SDK1: variants seen among roughly 807,000 people sequenced by gnomAD.
SDK1 encodes the protein sidekick cell adhesion molecule 1, also known as protein sidekick-1.
A neutral mutation model predicts 245.5 loss-of-function variants in SDK1; 157 were observed. The ratio of observed to expected loss-of-function variants is 0.64; its 90% CI spans 0.56 to 0.73. The LOEUF is 0.73. Among genes scored for constraint, SDK1 ranks in the 30% least tolerant of loss-of-function variants. SDK1 has a pLI of 0.00. For synonymous variants in SDK1, 1,647 were observed against 1,278.5 expected, an observed-to-expected ratio of 1.29 and a Z score of -6.15; for missense variants, 3,583 against 3,002.3, an observed-to-expected ratio of 1.19 and a Z score of -4.52.
intron 22 of SDK1, among the ~76,000 whole-genome samples, chr7:4,098,554 T>C (rs745730476): frequency 6.6e-6 from 1 of 152,214 alleles, no homozygotes; most frequent in Non-Finnish European, 1.5e-5. Context: ...GTTCCAGGTA[T>C]CGTGCTACAG....
rs57770805 is a variant in SDK1, at chr7:3,319,878, C to CTTTTTTTTTTTTT, written c.298+17999_298+18011dup. ...TGCCTATATCTAACCCATTCTTAGT[C>CTTTTTTTTTTTTT]TTTTTTTTTTTTTTTTTGCATTTGC... On this transcript the variant is annotated intron_variant, in intron 1 of 44. Coordinates refer to ENST00000404826, the MANE Select transcript of SDK1 (RefSeq NM_152744.4). 9.1e-4 allele frequency among the ~76,000 whole-genome samples: 80 copies of CTTTTTTTTTTTTT among 88,050 alleles called. 1 individual carries two copies. The highest frequency in any genetic ancestry group is 3.1e-3 in the East Asian group (9 of 2,908). 57.8% of individuals were successfully genotyped at this position (88,050 alleles called of 152,430 possible). A position where few individuals can be genotyped will look rare whatever the true frequency, so the allele number is the denominator to read the frequency against.
intron 1 of SDK1, among the ~76,000 whole-genome samples, chr7:3,475,132 C>T (rs1310814080): frequency 6.6e-6 from 1 of 152,142 alleles, no homozygotes; most frequent in Non-Finnish European, 1.5e-5. Context: ...TGATTCCTTC[C>T]CCTTGTTCCA....
In SDK1 at chr7:3,579,370, G is replaced by C. The variant is rs111643174; in HGVS notation, c.299-39710G>C. On this transcript the variant is annotated intron_variant, in intron 1 of 44. Coordinates refer to ENST00000404826, the MANE Select transcript of SDK1 (RefSeq NM_152744.4). ...TCCCTGGGATGCAAGGTTGGTTCAA[G>C]ATATGCAAATCAGTAAATGTGATTC... 5.4e-3 allele frequency among the ~76,000 whole-genome samples: 823 copies of C among 152,288 alleles called. 7 individuals are homozygous for C. Among genetic ancestry groups the C allele is most frequent in the South Asian group, 0.018 (87 of 4,826 alleles).
intron 4 of SDK1, among the ~76,000 whole-genome samples, chr7:3,733,130 T>G (rs1231942906): frequency 1.3e-5 from 2 of 152,176 alleles, no homozygotes; most frequent in Non-Finnish European, 2.9e-5. Flanking sequence ...ACAAGTTTCT[T>G]GGAAAGAACG....
chr7:4,132,626 G>A, intron 28 of SDK1: 1 of 487,126 alleles, frequency 2.1e-6, no homozygotes, highest in Admixed American at 3.0e-5. Context: ...TACTTGGGAG[G>A]CTAAGGTGGG....
chr7:3,977,763 G>A (rs552606189), intron 13 of SDK1, among the ~76,000 whole-genome samples: 6 of 152,370 alleles, frequency 3.9e-5, no homozygotes, highest in African/African-American at 1.4e-4. Flanking sequence ...TGGAACAGAA[G>A]CACCTTGGTG....
At position 3,468,841 on chromosome 7, in the gene SDK1, A is replaced by T. The variant is rs540336072; in HGVS notation, c.299-150239A>T. Among the ~76,000 whole-genome samples the T allele has an allele frequency of 1.1e-3, 165 of 152,274 alleles. 2 individuals carry two copies. Among genetic ancestry groups the T allele is most frequent in the African/African-American group, 3.8e-3 (157 of 41,554 alleles). On this transcript the variant is annotated intron_variant, in intron 1 of 44. Transcript: ENST00000404826. ...TATGAAGGCCTCTGTGTACACGTTA[A>T]TAAATTGGGATGCGATTTCTCCTAT...
chr7:3,361,365 G>A (rs1780947304), intron 1 of SDK1, among the ~76,000 whole-genome samples: 2 of 152,194 alleles, frequency 1.3e-5, no homozygotes, highest in Non-Finnish European at 2.9e-5. Flanking sequence ...TGTGTTCCTT[G>A]TTCTTCTATT....
intron 4 of SDK1, among the ~76,000 whole-genome samples, chr7:3,757,969 C>T (rs1259508962): frequency 6.6e-6 from 1 of 152,120 alleles, no homozygotes; most frequent in Admixed American, 6.6e-5. Context: ...CCTTATCACT[C>T]ATGAAATTCC....
chr7:3,932,508 G>C (rs779897301), intron 5 of SDK1, among the ~76,000 whole-genome samples: 28 of 152,284 alleles, frequency 1.8e-4, no homozygotes, highest in Non-Finnish European at 3.5e-4. Context: ...CTCTATTCTT[G>C]CACCGTGGGA....
chr7:3,308,257 GC>G, intron 1 of SDK1, among the ~76,000 whole-genome samples: 1 of 152,242 alleles, frequency 6.6e-6, no homozygotes, highest in South Asian at 2.1e-4. Context: ...GGTAATTAAT[GC>G]AGTGAGAAAC....
chr7:3,773,588 C>G (rs1780463963), intron 4 of SDK1, among the ~76,000 whole-genome samples: 1 of 151,878 alleles, frequency 6.6e-6, no homozygotes, highest in Non-Finnish European at 1.5e-5. Flanking sequence ...GTGATACTTT[C>G]TTATTTCTTT....
intron 1 of SDK1, among the ~76,000 whole-genome samples, chr7:3,460,508 G>A (rs1258915745): frequency 2.0e-5 from 3 of 152,204 alleles, no homozygotes; most frequent in Non-Finnish European, 4.4e-5. Flanking sequence ...TGTACTTTTA[G>A]AAGGGAAGGA....
chr7:3,724,890 T>A (rs891605210), intron 4 of SDK1, among the ~76,000 whole-genome samples: 13 of 152,184 alleles, frequency 8.5e-5, no homozygotes, highest in Non-Finnish European at 1.5e-5. Flanking sequence ...CATGTGGCCA[T>A]GCCTACCTGG....
intron 1 of SDK1, among the ~76,000 whole-genome samples, chr7:3,395,089 G>T (rs1210219558): frequency 1.3e-5 from 2 of 151,968 alleles, no homozygotes; most frequent in Non-Finnish European, 2.9e-5. Flanking sequence ...TAGAGGAAAA[G>T]AATTTGGTCT....
chr7:3,309,346 A>G (rs2128542861), intron 1 of SDK1, among the ~76,000 whole-genome samples: 1 of 151,712 alleles, frequency 6.6e-6, no homozygotes, highest in South Asian at 2.1e-4. Context: ...CATATAGGAT[A>G]TAATCTGTGG....
chr7:4,002,019 A>T (rs1453650234), intron 14 of SDK1, among the ~76,000 whole-genome samples: 1 of 152,262 alleles, frequency 6.6e-6, no homozygotes, highest in East Asian at 1.9e-4. Context: ...AGTCTGTTCT[A>T]CAAATGTATT....
intron 4 of SDK1, among the ~76,000 whole-genome samples, chr7:3,700,049 T>G (rs952400927): frequency 6.6e-6 from 1 of 152,188 alleles, no homozygotes; most frequent in Non-Finnish European, 1.5e-5. Context: ...GTGGCAAACA[T>G]TTTTCACTTA....
In SDK1 at chr7:4,100,280, C is replaced by T. The variant is rs553393013; in HGVS notation, c.3325-10383C>T. ...CAGACACGGCCCTGGGCTCCTAGGG[C>T]AGGGGCCATGGGGGGCAGACATGGC... is the stretch of plus-strand genomic sequence containing the variant. On this transcript the variant is annotated intron_variant, in intron 22 of 44. Transcript: ENST00000404826. 1.0e-3 allele frequency among the ~76,000 whole-genome samples: 156 copies of T among 152,232 alleles called. 1 individual carries two copies. Among genetic ancestry groups the T allele is most frequent in the African/African-American group, 3.7e-3 (154 of 41,544 alleles).
Sources: gnomAD v4.1 joint callset for allele counts (sites outside exome capture counted in the v4.1 genomes callset) on GRCh38, gnomAD v4.1.1 for gene constraint, MANE v1.5 for transcripts, NCBI Gene and HGNC (gene_info 2026-07-23, HGNC 2026-07-21) for gene names.